The following SLC36A1 variants were observed in gnomAD, a reference collection of about 807,000 sequenced individuals.
SLC36A1 encodes the protein proton-coupled amino acid transporter 1.
SLC36A1 carries 30 observed loss-of-function variants against 47.5 expected under a neutral mutation model. The ratio of observed to expected loss-of-function variants is 0.63; its 90% confidence interval spans 0.47 to 0.86. The LOEUF (loss-of-function observed/expected upper bound fraction) is 0.86, where lower values mean the gene tolerates loss of function less well. Among genes scored for constraint, SLC36A1 ranks in the 40% least tolerant of loss-of-function variants. SLC36A1 has a pLI of 0.00. For missense variants in SLC36A1, 517 were observed against 606.0 expected (o/e 0.85, Z 1.54); for synonymous variants, 255 against 249.7 (o/e 1.02, Z -0.20).
At position 151,467,823 on chromosome 5, in the gene SLC36A1, G is replaced by A. The variant is rs774758429; in HGVS notation, c.621G>A (p.Leu207=). The A allele has an allele frequency of 6.2e-7, 1 of 1,613,890 alleles. No individual in the cohort carries two copies. Among genetic ancestry groups the A allele is most frequent in the Non-Finnish European group, 8.5e-7 (1 of 1,179,988 alleles). ...TCTCCTTCCTGCCCTTCCTGGTGCTGCTGGTTTTCATCAGGAACCTCCGAG... is the reference window on the plus strand; with the variant it reads ...TCTCCTTCCTGCCCTTCCTGGTGCTACTGGTTTTCATCAGGAACCTCCGAG... The part of the protein sequence containing the change: ...YMLSFLPFLV[L]LVFIRNLRAL... The change falls in exon 7 of 11, where the codon CTG becomes CTA. Residue 207 remains leucine, a synonymous_variant. Coordinates refer to ENST00000243389, the MANE Select transcript of SLC36A1 (RefSeq NM_078483.4).
chr5:151,502,304 T>C, the SLC36A1 span, among the ~76,000 whole-genome samples: 1 of 136,250 alleles, frequency 7.3e-6, no homozygotes. Flanking sequence ...AGAGTGAGAC[T>C]CTGTCAAAAA....
chr5:151,367,445 C>T, the SLC36A1 span, among the ~76,000 whole-genome samples: 5 of 149,196 alleles, frequency 3.4e-5, no homozygotes, highest in Non-Finnish European at 7.4e-5. Flanking sequence ...CTTGCACCTC[C>T]GTTTATAGGC....
downstream of SLC36A1, among the ~76,000 whole-genome samples, chr5:151,495,025 A>T (rs1456856617): frequency 6.6e-6 from 1 of 152,258 alleles, no homozygotes; most frequent in Non-Finnish European, 1.5e-5. Context: ...TAGAGGTGAA[A>T]TGATGAGGTT....
At chr5:151,367,495 C>T in the SLC36A1 span, among the ~76,000 whole-genome samples, 3 of 151,886 alleles carry the variant, frequency 2.0e-5, no homozygotes, top group African/African-American at 7.3e-5. Flanking sequence ...TTGCCTGACC[C>T]TGCAGGCAGT....
At chr5:151,534,703 C>T in the SLC36A1 span, 2 of 1,436,288 alleles carry the variant, frequency 1.4e-6, no homozygotes, top group Admixed American at 1.7e-5. Flanking sequence ...AAGCATGTGC[C>T]CTCTATATAT....
At chr5:151,545,566 C>A in the SLC36A1 span, 1 of 1,614,036 alleles carries the variant, frequency 6.2e-7, no homozygotes, top group Admixed American at 1.7e-5. Flanking sequence ...TTGGGCAGGT[C>A]TGGGTGCAAA....
chr5:151,512,193 A>G, the SLC36A1 span: 1 of 1,613,846 alleles, frequency 6.2e-7, no homozygotes, highest in African/African-American at 1.3e-5. The surrounding 1 kb of genome is among the most constrained non-coding windows in gnomAD (Gnocchi z 4.1). Flanking sequence ...AGCACTTCCC[A>G]CCATTGAGGC....
At chr5:151,414,045 T>C in the SLC36A1 span, among the ~76,000 whole-genome samples, 1 of 152,192 alleles carries the variant, frequency 6.6e-6, no homozygotes, top group Non-Finnish European at 1.5e-5. Flanking sequence ...TGCCAAGTAC[T>C]TACTTTGTTA....
At chr5:151,513,098 T>C in the SLC36A1 span, among the ~76,000 whole-genome samples, 10 of 152,368 alleles carry the variant, frequency 6.6e-5, no homozygotes, top group East Asian at 1.9e-3. Context: ...TGCCTTTGTT[T>C]TCTCACAAGT....
the SLC36A1 span, chr5:151,521,450 C>G: frequency 6.2e-7 from 1 of 1,614,104 alleles, no homozygotes; most frequent in Non-Finnish European, 8.5e-7. Context: ...ATCTGAACCC[C>G]CACTGAATGC....
At chr5:151,525,932 G>T in the SLC36A1 span, 1 of 1,614,198 alleles carries the variant, frequency 6.2e-7, no homozygotes, top group Non-Finnish European at 8.5e-7. Flanking sequence ...CTCAGGATCA[G>T]CTGCAGGACT....
At chr5:151,408,344 A>G in the SLC36A1 span, among the ~76,000 whole-genome samples, 2 of 152,058 alleles carry the variant, frequency 1.3e-5, no homozygotes, top group Non-Finnish European at 2.9e-5. Flanking sequence ...ACACACCACC[A>G]CGCCTGGCTA....
the SLC36A1 span, among the ~76,000 whole-genome samples, chr5:151,352,234 A>C: frequency 6.6e-6 from 1 of 151,806 alleles, no homozygotes; most frequent in African/African-American, 2.4e-5. Flanking sequence ...GCTTTTTTTC[A>C]TGTTGCTTCT....
At chr5:151,388,478 G>T in the SLC36A1 span, among the ~76,000 whole-genome samples, 1 of 107,566 alleles carries the variant, frequency 9.3e-6, no homozygotes, top group African/African-American at 4.6e-5. Context: ...TCCAGCCTGG[G>T]CAACAAGAGT....
chr5:151,511,211 G>T, the SLC36A1 span: 1 of 152,212 alleles, frequency 6.6e-6, no homozygotes, highest in African/African-American at 2.4e-5. Flanking sequence ...AGGTAGAAAT[G>T]ACATGATTAG....
chr5:151,350,852 A>G, the SLC36A1 span, among the ~76,000 whole-genome samples: 1 of 152,126 alleles, frequency 6.6e-6, no homozygotes, highest in African/African-American at 2.4e-5. Context: ...CAGGTGCATG[A>G]CACCATGCCT....
At chr5:151,428,163 A>G in the SLC36A1 span, among the ~76,000 whole-genome samples, 3 of 152,152 alleles carry the variant, frequency 2.0e-5, no homozygotes, top group African/African-American at 7.2e-5. Flanking sequence ...TCTAATGGCT[A>G]TGTAAGCCTT....
chr5:151,451,186 A>G (rs1267519241), intron 1 of SLC36A1: 1 of 148,868 alleles, frequency 6.7e-6, no homozygotes, highest in Non-Finnish European at 1.5e-5. Flanking sequence ...ACCCAGGGCC[A>G]GTTCTTTTTT....
the SLC36A1 span, chr5:151,544,923 G>C: frequency 2.0e-5 from 33 of 1,613,964 alleles, no homozygotes; most frequent in Non-Finnish European, 2.5e-5. Context: ...GCTTAAATTT[G>C]GGGGGATTGT....
Sources: gnomAD v4.1 joint callset for allele counts (sites outside exome capture counted in the v4.1 genomes callset) on GRCh38, gnomAD v4.1.1 for gene constraint, Gnocchi (gnomAD v3.1) non-coding constraint, MANE v1.5 for transcripts, NCBI Gene and HGNC (gene_info 2026-07-23, HGNC 2026-07-21) for gene names.